The following PRKACB variants were observed in gnomAD, a reference collection of about 807,000 sequenced individuals.
PRKACB encodes cAMP-dependent protein kinase catalytic subunit beta.
A neutral mutation model predicts 51.4 loss-of-function variants in PRKACB; 16 were observed. That is an observed-to-expected ratio of 0.31 (90% CI 0.21 to 0.47). The LOEUF is 0.47. PRKACB is among the 20% of genes least tolerant of loss of function. The pLI is 1.00. For synonymous variants in PRKACB, 147 were observed against 154.4 expected (o/e 0.95, Z 0.35); for missense variants, 309 against 464.5 (o/e 0.67, Z 3.08).
At chr1:84,100,592 G>T (rs1049847164) in intron 1 of PRKACB, among the ~76,000 whole-genome samples, 3 of 152,038 alleles carry the variant, frequency 2.0e-5, no homozygotes, top group Non-Finnish European at 4.4e-5. Context: ...CTGATTCTAG[G>T]CCCTCTGCTC....
At chr1:84,119,292 T>C (rs1357710091) in intron 1 of PRKACB, among the ~76,000 whole-genome samples, 1 of 152,120 alleles carries the variant, frequency 6.6e-6, no homozygotes, top group African/African-American at 2.4e-5. Flanking sequence ...GAACTTTATT[T>C]TTATCCAAAA....
At chr1:84,109,159 A>C (rs1193133151) in intron 1 of PRKACB, among the ~76,000 whole-genome samples, 4 of 151,910 alleles carry the variant, frequency 2.6e-5, no homozygotes, top group African/African-American at 9.7e-5. Context: ...TATTGATGGG[A>C]TGTGATGTTT....
chr1:84,081,685 C>G (rs1162530403), intron 1 of PRKACB, among the ~76,000 whole-genome samples: 6 of 152,100 alleles, frequency 3.9e-5, no homozygotes, highest in Non-Finnish European at 2.9e-5. Flanking sequence ...CAAAAAAACA[C>G]GCTACTTCTT....
intron 1 of PRKACB, among the ~76,000 whole-genome samples, chr1:84,114,277 T>C (rs1324614553): frequency 6.6e-6 from 1 of 152,204 alleles, no homozygotes; most frequent in African/African-American, 2.4e-5. Context: ...TAGAGCATGA[T>C]ACCATCCAGG....
upstream of PRKACB, among the ~76,000 whole-genome samples, chr1:84,141,003 T>C (rs1207225869): frequency 6.6e-6 from 1 of 152,110 alleles, no homozygotes; most frequent in Non-Finnish European, 1.5e-5. Context: ...ACTTTATATG[T>C]GGTAAAGTGC....
chr1:84,204,548 A>T (rs1671032246), intron 8 of PRKACB: 1 of 1,594,690 alleles, frequency 6.3e-7, no homozygotes, highest in Admixed American at 1.7e-5. Context: ...TTTATTTTTG[A>T]AGAATTTGAG....
chr1:84,233,537 A>C (rs1484015455), intron 9 of PRKACB, among the ~76,000 whole-genome samples: 553 of 119,154 alleles, frequency 4.6e-3, no homozygotes, highest in African/African-American at 0.017. Flanking sequence ...TCTCCCCATC[A>C]CTTTCAGGTA....
intron 1 of PRKACB, among the ~76,000 whole-genome samples, chr1:84,176,899 A>G (rs1425112597): frequency 6.6e-6 from 1 of 151,974 alleles, no homozygotes; most frequent in East Asian, 1.9e-4. Flanking sequence ...AAATTAAATA[A>G]TGCCGGAAAT....
intron 2 of PRKACB, chr1:84,181,653 C>G: frequency 5.4e-6 from 8 of 1,473,114 alleles, no homozygotes; most frequent in Non-Finnish European, 7.2e-6. Flanking sequence ...AGCCACTAGG[C>G]TCTCTCATGC....
At chr1:84,223,367 T>TG (rs1674041367) in intron 9 of PRKACB, among the ~76,000 whole-genome samples, 2 of 52,422 alleles carry the variant, frequency 3.8e-5, no homozygotes, top group South Asian at 1.3e-3. Flanking sequence ...GTTGTTTTTT[T>TG]TTGTTTTTTT....
intron 1 of PRKACB, among the ~76,000 whole-genome samples, chr1:84,098,906 C>G (rs1649130468): frequency 6.6e-6 from 1 of 151,874 alleles, no homozygotes; most frequent in Non-Finnish European, 1.5e-5. Flanking sequence ...TATCAAGGAT[C>G]CTGAAAAGGA....
intron 9 of PRKACB, among the ~76,000 whole-genome samples, chr1:84,232,713 T>C (rs1432608379): frequency 6.6e-6 from 1 of 152,198 alleles, no homozygotes; most frequent in Non-Finnish European, 1.5e-5. Flanking sequence ...AAGTCTGTTT[T>C]ATCAGAGACT....
chr1:84,083,714 TAATA>T (rs1647732311), intron 1 of PRKACB, among the ~76,000 whole-genome samples: 1 of 152,204 alleles, frequency 6.6e-6, no homozygotes, highest in Non-Finnish European at 1.5e-5. Flanking sequence ...TTCCTCAGAT[TAATA>T]AATCCTAAAT....
chr1:84,185,238 A>ATT (rs1664740751), intron 5 of PRKACB, 56 bp downstream of exon 5: 1 of 1,301,432 alleles, frequency 7.7e-7, no homozygotes, highest in South Asian at 1.5e-5. Flanking sequence ...GTTTAACCAG[A>ATT]TTTTTAAGTT....
rs1356586415 is a variant in PRKACB at position 84,235,239 on chromosome 1, C to G, written c.1131C>G (p.Asp377Glu). The stretch of plus-strand genomic sequence containing the variant: ...CTGGAGATACCAGCAACTTTGATGA[C>G]TATGAAGAAGAAGATATCCGTGTCT... Reference protein sequence around the residue: ...RGSGDTSNFDDYEEEDIRVSI... With the variant: ...RGSGDTSNFDEYEEEDIRVSI... Residue 377 changes from aspartate to glutamate, a missense_variant, in exon 10 of 10, where the codon GAC (aspartate) becomes GAG (glutamate). Coordinates refer to ENST00000370685, the MANE Select transcript of PRKACB (RefSeq NM_182948.4). The G allele has an allele frequency of 2.0e-5, 32 of 1,613,694 alleles. No individual in the cohort carries two copies. Among genetic ancestry groups the G allele is most frequent in the African/African-American group, 2.7e-5 (2 of 74,864 alleles).
chr1:84,101,823 A>T (rs1416053932), intron 1 of PRKACB, among the ~76,000 whole-genome samples: 1 of 152,202 alleles, frequency 6.6e-6, no homozygotes, highest in Non-Finnish European at 1.5e-5. Context: ...CTATCTAAAT[A>T]CAGGGAGCAG....
chr1:84,141,715 AAAT>A (rs1255036819), upstream of PRKACB, among the ~76,000 whole-genome samples: 2 of 152,154 alleles, frequency 1.3e-5, no homozygotes, highest in East Asian at 3.8e-4. Context: ...CATTGAATAT[AAAT>A]AAAAAATCTG....
Position 84,235,323 on chromosome 1 carries a change from T to A in PRKACB, c.*18T>A, listed in dbSNP as rs751130772. On this transcript the variant is annotated 3_prime_UTR_variant, in exon 10 of 10. Transcript: ENST00000370685. Reference sequence around the variant, plus strand: ...AATTTTAAAGAGGAACAAGATGACATCTGAGCTCACACTCAGTGTTTGCAC... The same window carrying A: ...AATTTTAAAGAGGAACAAGATGACAACTGAGCTCACACTCAGTGTTTGCAC... The A allele has an allele frequency of 2.5e-6, 4 of 1,613,700 alleles. No individual in the cohort carries two copies. The highest frequency in any genetic ancestry group is 3.4e-6 in the Non-Finnish European group (4 of 1,179,850).
At chr1:84,147,698 G>A (rs1654291436) in intron 1 of PRKACB, among the ~76,000 whole-genome samples, 1 of 151,810 alleles carries the variant, frequency 6.6e-6, no homozygotes, top group South Asian at 2.1e-4. Flanking sequence ...GAGAAAATGG[G>A]GGACTTCAAA....
Sources: allele counts gnomAD v4.1 joint callset (sites outside exome capture counted in the v4.1 genomes callset), GRCh38; gene constraint gnomAD v4.1.1; transcripts MANE v1.5; gene names NCBI Gene and HGNC (gene_info 2026-07-23, HGNC 2026-07-21).